Variants in CACNA1D observed in about 807,000 individuals in gnomAD.
The protein encoded by CACNA1D is voltage-dependent L-type calcium channel subunit alpha-1D.
CACNA1D carries 55 observed loss-of-function variants against 257.1 expected under a neutral mutation model. The observed-to-expected ratio is 0.21, with a 90% CI of 0.17 to 0.27. The LOEUF (loss-of-function observed/expected upper bound fraction) is 0.27, where lower values mean the gene tolerates loss of function less well. CACNA1D is among the 10% of genes least tolerant of loss of function. The pLI is 1.00. For synonymous variants in CACNA1D, 980 were observed against 1,014.9 expected, an observed-to-expected ratio of 0.97 and a Z score of 0.65; for missense variants, 1,876 against 2,784.0, an observed-to-expected ratio of 0.67 and a Z score of 7.34.
At chr3:53,767,069 C>T (rs2095336775) in intron 30 of CACNA1D, among the ~76,000 whole-genome samples, 1 of 152,192 alleles carries the variant, frequency 6.6e-6, no homozygotes, top group African/African-American at 2.4e-5. Context: ...GTTCCCTCGT[C>T]AACCCAGAAA....
chr3:53,647,248 G>A lies in CACNA1D; in HGVS notation c.484-3531G>A, dbSNP rs147999665. Among the ~76,000 whole-genome samples, 471 of 152,328 alleles carry A rather than the reference G, an allele frequency of 3.1e-3. 1 individual carries two copies. The highest frequency in any genetic ancestry group is 1.0e-2 in the African/African-American group (415 of 41,570). Reference sequence around the variant, plus strand: ...TGCCAGGGAGAAGAAATCCCTGCTGGTGGGTGACTGAGTGCCACAGGTGTG... The same window carrying A: ...TGCCAGGGAGAAGAAATCCCTGCTGATGGGTGACTGAGTGCCACAGGTGTG... On this transcript the variant is annotated intron_variant, in intron 3 of 47. Coordinates refer to ENST00000350061, the MANE Select transcript of CACNA1D (RefSeq NM_001128840.3).
At chr3:53,566,528 A>G (rs538274211) in intron 3 of CACNA1D, among the ~76,000 whole-genome samples, 3 of 151,816 alleles carry the variant, frequency 2.0e-5, no homozygotes, top group Non-Finnish European at 2.9e-5. Context: ...ACACATATTC[A>G]CTGTCTGCCC....
chr3:53,810,616 G>A (rs2095592625), intron 47 of CACNA1D: 1 of 389,696 alleles, frequency 2.6e-6, no homozygotes, highest in Admixed American at 3.7e-5. Flanking sequence ...AAATTAGCCG[G>A]GCGTGGTGGT....
chr3:53,650,821 A>G lies in CACNA1D; in HGVS notation c.526A>G (p.Thr176Ala). Residue 176 changes from threonine (T) to alanine (A), a missense_variant, in exon 4 of 48, where the codon ACA becomes GCA. Thr to Ala is a moderately conservative substitution (Grantham distance 58, BLOSUM62 0). Transcript: ENST00000350061. ...YAFLIIFTVETFLKIIAYGLL... is the reference protein window; with the variant it reads ...YAFLIIFTVEAFLKIIAYGLL... ...CTTCCTGATTATTTTTACAGTCGAG[A>G]CATTTTTGAAGATTATAGCGTATGG... The G allele has an allele frequency of 6.2e-7, 1 of 1,613,576 alleles. No homozygotes were observed. Among genetic ancestry groups the G allele is most frequent in the Non-Finnish European group, 8.5e-7 (1 of 1,179,548 alleles).
At position 53,666,479 on chromosome 3, in the gene CACNA1D, A is replaced by G. The variant is rs753465412; in HGVS notation, c.1060A>G (p.Met354Val). Residue 354 changes from methionine to valine, a missense_variant, in exon 7 of 48, where the codon ATG (methionine) becomes GTG (valine). Around this residue, in one of 10 missense-constraint regions of CACNA1D, gnomAD observed 188 missense variants for 390.4 expected, o/e 0.48. Coordinates refer to ENST00000350061, the MANE Select transcript of CACNA1D (RefSeq NM_001128840.3). ...CAACTTTGATAACTTTGCCTTTGCC[A>G]TGCTTACTGTGTTTCAGTGCATCAC... The part of the protein sequence containing the change: ...ITNFDNFAFA[M>V]LTVFQCITME... The G allele has an allele frequency of 1.2e-6, 2 of 1,614,072 alleles. No individual in the cohort carries two copies. Among genetic ancestry groups the G allele is most frequent in the African/African-American group, 2.7e-5 (2 of 74,938 alleles).
intron 3 of CACNA1D, among the ~76,000 whole-genome samples, chr3:53,584,419 G>A (rs1013360926): frequency 3.9e-5 from 6 of 152,168 alleles, no homozygotes; most frequent in East Asian, 3.8e-4. Flanking sequence ...TGGGATGCTC[G>A]TGTTTTATTT....
chr3:53,812,169 TTGTAA>T lies in CACNA1D; in HGVS notation c.*765_*769del, dbSNP rs1402172697. 6.6e-6 allele frequency: 1 copy of T among 152,242 alleles called. No individual in the cohort carries two copies. The allele number at this position is 152,242 out of a possible 1,614,324, so 9.4% of individuals were successfully genotyped here. A position where few individuals can be genotyped will look rare whatever the true frequency, so the allele number is the denominator to read the frequency against. On this transcript the variant is annotated 3_prime_UTR_variant, in exon 48 of 48. Transcript: ENST00000350061. ...AAATTATAGATTTACTGTACATGAC[TTGTAA>T]TATACTATAATTTGTATTTGTAAAG...
rs1310272169 is a variant in CACNA1D at position 53,789,230 on chromosome 3, TTGGGAGC to T, written c.4923+2281_4923+2287del. On this transcript the variant is annotated intron_variant, in intron 40 of 47. Coordinates refer to ENST00000350061, the MANE Select transcript of CACNA1D (RefSeq NM_001128840.3). The surrounding 1 kb of genome is among the most constrained non-coding windows in gnomAD (Gnocchi z 4.2). ...ACCAACATATTTTCGCATGGCTCCA[TTGGGAGC>T]TGAAGCATCGTCTGTAATTTATGTT... Among the ~76,000 whole-genome samples, 3 of 152,220 alleles carry T rather than the reference TTGGGAGC, an allele frequency of 2.0e-5. No homozygotes were observed. Among genetic ancestry groups the T allele is most frequent in the Admixed American group, 2.0e-4 (3 of 15,290 alleles).
chr3:53,773,371 G>C (rs545713103), intron 33 of CACNA1D: 1 of 204,286 alleles, frequency 4.9e-6, no homozygotes, highest in East Asian at 1.3e-4. Context: ...CCCAAGCAGA[G>C]GGGCTGCACC....
chr3:53,746,701 T>C (rs2095172679), intron 25 of CACNA1D, among the ~76,000 whole-genome samples: 1 of 152,206 alleles, frequency 6.6e-6, no homozygotes, highest in African/African-American at 2.4e-5. Flanking sequence ...CAGCCTGGCA[T>C]TGGCGTGAGG....
At chr3:53,801,680 G>A (rs1484179450) in intron 42 of CACNA1D, among the ~76,000 whole-genome samples, 1 of 152,162 alleles carries the variant, frequency 6.6e-6, no homozygotes, top group African/African-American at 2.4e-5. Flanking sequence ...TAAAACAGCA[G>A]CAGCCACAAA....
intron 3 of CACNA1D, among the ~76,000 whole-genome samples, chr3:53,559,374 GT>G (rs1342955108): frequency 6.6e-6 from 1 of 152,074 alleles, no homozygotes; most frequent in Non-Finnish European, 1.5e-5. Context: ...GAGTTTTCCA[GT>G]TTTTCGTATG....
At chr3:53,697,174 A>G (rs988592808) in intron 8 of CACNA1D, among the ~76,000 whole-genome samples, 3 of 152,336 alleles carry the variant, frequency 2.0e-5, no homozygotes, top group African/African-American at 7.2e-5. Context: ...CCTGAACACA[A>G]TAAGGGAAAA....
At chr3:53,648,829 AACAC>A (rs148968944) in intron 3 of CACNA1D, among the ~76,000 whole-genome samples, 5,407 of 146,806 alleles carry the variant, frequency 0.037, 126 homozygotes, top group African/African-American at 0.06. Context: ...TAACTCTCAA[AACAC>A]ACACACACAC....
In CACNA1D at chr3:53,662,456, C is replaced by T. The variant is rs551474827; in HGVS notation, c.766+2181C>T. The stretch of plus-strand genomic sequence containing the variant: ...CTTACCTTCTCTTTCCCTGTCCTTC[C>T]GTGTTGGACAGGGAAACATTTATCA... On this transcript the variant is annotated intron_variant, in intron 5 of 47. Transcript: ENST00000350061. 1.0e-3 allele frequency among the ~76,000 whole-genome samples: 154 copies of T among 152,226 alleles called. 1 individual carries two copies. Among genetic ancestry groups the T allele is most frequent in the Non-Finnish European group, 2.0e-3 (136 of 68,016 alleles).
intron 9 of CACNA1D, among the ~76,000 whole-genome samples, chr3:53,706,729 C>T (rs1424355610): frequency 6.6e-6 from 1 of 152,102 alleles, no homozygotes; most frequent in Non-Finnish European, 1.5e-5. Context: ...GAAAAGTGTA[C>T]ATTATACCCA....
chr3:53,793,808 G>A lies in CACNA1D; in HGVS notation c.4924-6441G>A, dbSNP rs1000673594. ...TTTGCAGTCAAACTGCAGAGACACC[G>A]CTGTCGTTTCTCTTAAAGCCTTGGC... On this transcript the variant is annotated intron_variant, in intron 40 of 47. Coordinates refer to ENST00000350061, the MANE Select transcript of CACNA1D (RefSeq NM_001128840.3). The surrounding 1 kb of genome is among the most constrained non-coding windows in gnomAD (Gnocchi z 4.1). 4.6e-5 allele frequency among the ~76,000 whole-genome samples: 7 copies of A among 152,216 alleles called. No individual in the cohort carries two copies. Among genetic ancestry groups the A allele is most frequent in the Admixed American group, 1.3e-4 (2 of 15,284 alleles).
chr3:53,548,032 G>A (rs562531822), intron 3 of CACNA1D, among the ~76,000 whole-genome samples: 5 of 152,298 alleles, frequency 3.3e-5, no homozygotes, highest in Middle Eastern at 3.4e-3. Flanking sequence ...CTGGGTAGGT[G>A]GAAGGCAGGT....
At chr3:53,618,541 G>A (rs1476067048) in intron 3 of CACNA1D, among the ~76,000 whole-genome samples, 1 of 152,130 alleles carries the variant, frequency 6.6e-6, no homozygotes, top group Non-Finnish European at 1.5e-5. Flanking sequence ...GATCCTGAGA[G>A]CCCCACACTC....
Sources: gnomAD v4.1 joint callset for allele counts (sites outside exome capture counted in the v4.1 genomes callset) on GRCh38, gnomAD v4.1.1 for gene constraint, gnomAD v4.1.1 regional missense constraint, Gnocchi (gnomAD v3.1) non-coding constraint, MANE v1.5 for transcripts, NCBI Gene and HGNC (gene_info 2026-07-23, HGNC 2026-07-21) for gene names.